Variants in SGCZ observed in about 807,000 individuals in gnomAD.
SGCZ encodes sarcoglycan zeta, also known as zeta-sarcoglycan.
Under a neutral mutation model 41.3 loss-of-function variants are expected in SGCZ, and 40 were observed. The observed-to-expected ratio is 0.97, with a 90% CI of 0.75 to 1.26. The LOEUF is 1.26. Ranked by LOEUF, SGCZ falls within the 50% of genes most tolerant of loss-of-function variation. The pLI is 0.00. For missense variants in SGCZ, 552 were observed against 369.8 expected, an observed-to-expected ratio of 1.49 and a Z score of -4.04; for synonymous variants, 206 against 137.5, an observed-to-expected ratio of 1.50 and a Z score of -3.49.
chr8:14,176,126 A>G (rs79819168), intron 4 of SGCZ, among the ~76,000 whole-genome samples: 2,700 of 152,294 alleles, frequency 0.018, 34 homozygotes, highest in Middle Eastern at 0.058. Context: ...CTTTCTCAGT[A>G]GTACAAACAA....
At chr8:14,648,848 A>G (rs1807307708) in intron 1 of SGCZ, among the ~76,000 whole-genome samples, 1 of 152,134 alleles carries the variant, frequency 6.6e-6, no homozygotes, top group African/African-American at 2.4e-5. Flanking sequence ...TGACACTTTC[A>G]TCAGGGTCAA....
At chr8:14,335,083 G>A (rs10104508) in intron 2 of SGCZ, among the ~76,000 whole-genome samples, 11,968 of 152,106 alleles carry the variant, frequency 0.079, 921 homozygotes, top group African/African-American at 0.19. Context: ...CTCTCCTTGG[G>A]ATTAGGCAGC....
chr8:15,207,008 T>C (rs981728575), intron 1 of SGCZ, among the ~76,000 whole-genome samples: 8 of 152,152 alleles, frequency 5.3e-5, no homozygotes, highest in Admixed American at 5.2e-4. Context: ...GCAAGAGATA[T>C]TGTCAAGAAA....
intron 2 of SGCZ, among the ~76,000 whole-genome samples, chr8:14,475,387 G>A (rs936404296): frequency 1.3e-5 from 2 of 152,144 alleles, no homozygotes; most frequent in Non-Finnish European, 2.9e-5. Flanking sequence ...TATGAAAGTA[G>A]CAGCAAACAT....
chr8:14,561,577 C>A (rs1246719413), intron 1 of SGCZ, among the ~76,000 whole-genome samples: 1 of 152,126 alleles, frequency 6.6e-6, no homozygotes, highest in African/African-American at 2.4e-5. Flanking sequence ...CATTCTGTTT[C>A]ATATCACATT....
At chr8:15,063,596 C>CT (rs1328059007) in intron 1 of SGCZ, among the ~76,000 whole-genome samples, 1 of 151,966 alleles carries the variant, frequency 6.6e-6, no homozygotes, top group South Asian at 2.1e-4. Context: ...TGCACTTCAA[C>CT]TTTTGCCACA....
chr8:14,719,615 C>T (rs1406357875), intron 1 of SGCZ, among the ~76,000 whole-genome samples: 1 of 152,042 alleles, frequency 6.6e-6, no homozygotes, highest in Non-Finnish European at 1.5e-5. Context: ...AGATGGTGAG[C>T]ATTTTTTCAT....
At chr8:14,571,090 A>G (rs1804537085) in intron 1 of SGCZ, among the ~76,000 whole-genome samples, 1 of 152,182 alleles carries the variant, frequency 6.6e-6, no homozygotes, top group Admixed American at 6.5e-5. Context: ...TCTCAGTTCC[A>G]CATGGCTGAG....
chr8:14,280,966 A>C (rs1355385973), intron 3 of SGCZ, among the ~76,000 whole-genome samples: 1 of 151,910 alleles, frequency 6.6e-6, no homozygotes, highest in African/African-American at 2.4e-5. Flanking sequence ...TTTGATAACC[A>C]TATCCTTTCT....
intron 1 of SGCZ, among the ~76,000 whole-genome samples, chr8:14,571,889 ACTTG>A (rs1554453659): frequency 6.6e-6 from 1 of 152,178 alleles, no homozygotes; most frequent in Non-Finnish European, 1.5e-5. Context: ...AGTCCATGAT[ACTTG>A]CTTGTTTATT....
rs551530847 is a variant in SGCZ at position 14,159,202 on chromosome 8, T to C, written c.547+5378A>G. ...GACACTTTAAACATCAAATGGACAA[T>C]TTTAAAACCTCTACAGAGAGAAGTG... On this transcript the variant is annotated intron_variant, in intron 5 of 7. Transcript: ENST00000382080. Among the ~76,000 whole-genome samples, 4 of 152,256 alleles carry C rather than the reference T, an allele frequency of 2.6e-5. No individual in the cohort carries two copies. The South Asian group carries it at 8.3e-4, about 32-fold the overall frequency.
At chr8:14,616,724 T>C (rs1806118017) in intron 1 of SGCZ, among the ~76,000 whole-genome samples, 1 of 152,252 alleles carries the variant, frequency 6.6e-6, no homozygotes, top group African/African-American at 2.4e-5. Context: ...AGACTAGATA[T>C]AACCAGATCC....
intron 1 of SGCZ, among the ~76,000 whole-genome samples, chr8:15,125,485 T>A (rs571783448): frequency 5.3e-5 from 8 of 152,178 alleles, no homozygotes; most frequent in African/African-American, 1.4e-4. Flanking sequence ...TCTCTGATCC[T>A]TCCAAAGAGA....
intron 1 of SGCZ, among the ~76,000 whole-genome samples, chr8:14,851,223 G>A (rs1023697284): frequency 1.3e-5 from 2 of 151,634 alleles, no homozygotes; most frequent in South Asian, 4.1e-4. Flanking sequence ...CAAAAAATTA[G>A]CCAGGCATCG....
At chr8:14,258,442 T>C (rs1325402581) in intron 3 of SGCZ, among the ~76,000 whole-genome samples, 2 of 152,158 alleles carry the variant, frequency 1.3e-5, no homozygotes, top group African/African-American at 2.4e-5. Flanking sequence ...CTGCAAAAGA[T>C]AGGTCACAAC....
intron 1 of SGCZ, among the ~76,000 whole-genome samples, chr8:14,598,908 T>C (rs907031594): frequency 6.6e-6 from 1 of 152,120 alleles, no homozygotes; most frequent in Non-Finnish European, 1.5e-5. Flanking sequence ...CTCCCTCCCA[T>C]GATTTAGATT....
At chr8:15,234,488 C>T (rs554370440) in intron 1 of SGCZ, among the ~76,000 whole-genome samples, 1 of 152,198 alleles carries the variant, frequency 6.6e-6, no homozygotes, top group Non-Finnish European at 1.5e-5. Context: ...AACTCTCTCC[C>T]TTTTCAACAC....
At chr8:14,165,290 A>G (rs1295132056) in intron 4 of SGCZ, 3 of 152,176 alleles carry the variant, frequency 2.0e-5, no homozygotes, top group African/African-American at 7.2e-5. Flanking sequence ...GTGGTACCTA[A>G]TGTATCTTCC....
chr8:15,203,682 G>T (rs558749917), intron 1 of SGCZ, among the ~76,000 whole-genome samples: 2 of 152,250 alleles, frequency 1.3e-5, no homozygotes, highest in Admixed American at 6.5e-5. Context: ...GAAAATAAAT[G>T]AATGGCCAAG....
Sources: allele counts gnomAD v4.1 joint callset (sites outside exome capture counted in the v4.1 genomes callset), GRCh38; gene constraint gnomAD v4.1.1; transcripts MANE v1.5; gene names NCBI Gene and HGNC (gene_info 2026-07-23, HGNC 2026-07-21).